Variants in KAT6A observed in about 807,000 individuals in gnomAD.
KAT6A encodes lysine acetyltransferase 6A.
A neutral mutation model predicts 198.4 loss-of-function variants in KAT6A; 9 were observed. The ratio of observed to expected loss-of-function variants is 0.05; its 90% CI spans 0.03 to 0.08. The LOEUF (loss-of-function observed/expected upper bound fraction) is 0.08. Ranked by LOEUF, KAT6A falls within the 10% of genes least tolerant of loss-of-function variation. The probability of loss-of-function intolerance (pLI) is 1.00; values close to 1 mark genes in which losing one functional copy is unlikely to be tolerated. For missense variants in KAT6A, 2,077 were observed against 2,509.9 expected (o/e 0.83, Z 3.69); for synonymous variants, 890 against 883.0 (o/e 1.01, Z -0.14).
intron 12 of KAT6A, among the ~76,000 whole-genome samples, chr8:41,946,290 A>G (rs1255553999): frequency 6.6e-6 from 1 of 151,964 alleles, no homozygotes; most frequent in East Asian, 1.9e-4. Context: ...TTTTGTAGAG[A>G]CAGGGTCTTG....
At chr8:41,945,328 T>C (rs1450719577) in intron 12 of KAT6A, among the ~76,000 whole-genome samples, 3 of 151,060 alleles carry the variant, frequency 2.0e-5, no homozygotes, top group Non-Finnish European at 4.4e-5. Flanking sequence ...TAGAGTGCAG[T>C]GGCGTGATCT....
chr8:41,952,809 A>C (rs1329657638), intron 9 of KAT6A, among the ~76,000 whole-genome samples: 1 of 152,182 alleles, frequency 6.6e-6, no homozygotes, highest in Non-Finnish European at 1.5e-5. Flanking sequence ...TTTCAAGCTC[A>C]TTTAAGTAAA....
chr8:41,929,627 C>G lies in KAT6A; in HGVS notation c.*2578G>C, dbSNP rs1482464462. The G allele has an allele frequency of 5.2e-6, 1 of 194,086 alleles. No homozygotes were observed. Among genetic ancestry groups the G allele is most frequent in the Non-Finnish European group, 1.1e-5 (1 of 92,966 alleles). The allele number at this position is 194,086 out of a possible 1,614,324, so 12.0% of individuals were successfully genotyped here. Reference sequence around the variant, plus strand: ...CAGGAGCGCGTGACATGGAGAGATACAAAGGCATCTAGGCACCCCTTCCCC... The same window carrying G: ...CAGGAGCGCGTGACATGGAGAGATAGAAAGGCATCTAGGCACCCCTTCCCC... On this transcript the variant is annotated 3_prime_UTR_variant, in exon 17 of 17. Coordinates refer to ENST00000265713, the MANE Select transcript of KAT6A (RefSeq NM_006766.5).
chr8:42,007,430 G>A (rs1314231216), intron 2 of KAT6A, among the ~76,000 whole-genome samples: 1 of 152,018 alleles, frequency 6.6e-6, no homozygotes, highest in East Asian at 1.9e-4. Context: ...ATAAAACAGG[G>A]TTTCTTACTT....
Position 41,930,318 on chromosome 8 carries a change from T to C in KAT6A, c.*1887A>G. The C allele has an allele frequency of 5.6e-6, 1 of 179,372 alleles. No individual in the cohort carries two copies. The highest frequency in any genetic ancestry group is 7.6e-5 in the Admixed American group (1 of 13,212). 11.1% of individuals were successfully genotyped at this position (179,372 alleles called of 1,614,324 possible). A position where few individuals can be genotyped will look rare whatever the true frequency, so the allele number is the denominator to read the frequency against. Reference sequence around the variant, plus strand: ...AAGATGTAGGGCGATGGCAGCACAGTGCACTTTCTACATAGATGACTGGGA... The same window carrying C: ...AAGATGTAGGGCGATGGCAGCACAGCGCACTTTCTACATAGATGACTGGGA... On this transcript the variant is annotated 3_prime_UTR_variant, in exon 17 of 17. Coordinates refer to ENST00000265713, the MANE Select transcript of KAT6A (RefSeq NM_006766.5).
Position 41,932,492 on chromosome 8 carries a change from T to C in KAT6A, c.5728A>G (p.Asn1910Asp), listed in dbSNP as rs1376380672. 1.9e-6 allele frequency: 3 copies of C among 1,614,132 alleles called. No homozygotes were observed. The highest frequency in any genetic ancestry group is 2.2e-5 in the East Asian group (1 of 44,904). ...GVNLMPTPAY[N>D]VNSMNMNTLN... ...GTGTTCATATTCATGGAATTGACATTATAGGCGGGAGTAGGCATCAGATTA... is the reference window on the plus strand; with the variant it reads ...GTGTTCATATTCATGGAATTGACATCATAGGCGGGAGTAGGCATCAGATTA... Residue 1910 changes from asparagine (N) to aspartate (D), a missense_variant, in exon 17 of 17, where the codon AAT (asparagine) becomes GAT (aspartate). This residue lies in a region of KAT6A where 500 missense variants were observed against 577.2 expected (regional missense o/e 0.87). Coordinates refer to ENST00000265713, the MANE Select transcript of KAT6A (RefSeq NM_006766.5).
At chr8:41,953,810 G>A (rs1392426587) in intron 9 of KAT6A, among the ~76,000 whole-genome samples, 1 of 152,144 alleles carries the variant, frequency 6.6e-6, no homozygotes, top group Non-Finnish European at 1.5e-5. Context: ...CAGAATTCCT[G>A]AGGAATGAGT....
At chr8:41,992,212 A>G (rs1824983331) in intron 2 of KAT6A, among the ~76,000 whole-genome samples, 1 of 152,038 alleles carries the variant, frequency 6.6e-6, no homozygotes, top group South Asian at 2.1e-4. Context: ...AAAAAAAGAA[A>G]AAAAAAGGTA....
intron 2 of KAT6A, among the ~76,000 whole-genome samples, chr8:42,047,383 T>C (rs947711059): frequency 6.6e-6 from 1 of 152,148 alleles, no homozygotes; most frequent in Non-Finnish European, 1.5e-5. Context: ...AAAGTACACA[T>C]CTGGGCATCA....
chr8:41,933,447 C>A lies in KAT6A; in HGVS notation c.4773G>T (p.Gly1591=), dbSNP rs1300168915. The A allele has an allele frequency of 1.2e-6, 2 of 1,612,548 alleles. No homozygotes were observed. The highest frequency in any genetic ancestry group is 3.3e-5 in the Admixed American group (2 of 59,958). ...GGGTGAGGCTGCTGGAGGACGACAG[C>A]CCACCGTAGGAGCAGCTGCTCTGGG... The part of the protein sequence containing the change: ...SSSQSSCSYG[G]LSSSSSLTQS... Residue 1591 remains glycine (G), a synonymous_variant, in exon 17 of 17, where the codon GGG becomes GGT. Transcript: ENST00000265713. This position sits in a 1 kb window ranked among gnomAD's most constrained non-coding sequence, Gnocchi z 6.2.
At chr8:42,018,287 G>A (rs1477978477) in intron 2 of KAT6A, among the ~76,000 whole-genome samples, 1 of 152,136 alleles carries the variant, frequency 6.6e-6, no homozygotes, top group Non-Finnish European at 1.5e-5. Flanking sequence ...TGTAATCCTT[G>A]CACTTTGGGA....
intron 2 of KAT6A, among the ~76,000 whole-genome samples, chr8:41,989,412 A>G (rs1353347989): frequency 6.6e-6 from 1 of 152,026 alleles, no homozygotes; most frequent in Non-Finnish European, 1.5e-5. Context: ...GGGAGACTGA[A>G]GCAGAAGAAT....
Position 41,930,020 on chromosome 8 carries a change from G to A in KAT6A, c.*2185C>T, listed in dbSNP as rs532044726. On this transcript the variant is annotated 3_prime_UTR_variant, in exon 17 of 17. Coordinates refer to ENST00000265713, the MANE Select transcript of KAT6A (RefSeq NM_006766.5). The stretch of plus-strand genomic sequence containing the variant: ...AAAAATGACAGGTACCAATATTACT[G>A]TGTTGGATAATTTCTTTTATAATAT... The A allele has an allele frequency of 3.6e-5, 8 of 223,822 alleles. No individual in the cohort carries two copies. In the South Asian group the frequency reaches 1.3e-3, roughly 36 times the overall value. The allele number at this position is 223,822 out of a possible 1,614,324, so 13.9% of individuals were successfully genotyped here.
intron 2 of KAT6A, among the ~76,000 whole-genome samples, chr8:42,015,464 C>T (rs1826227274): frequency 6.6e-6 from 1 of 152,206 alleles, no homozygotes; most frequent in Admixed American, 6.5e-5. Context: ...ACAGCATTTG[C>T]CTGTGGGCAA....
At chr8:41,970,873 C>T (rs1823756617) in intron 8 of KAT6A, among the ~76,000 whole-genome samples, 1 of 152,110 alleles carries the variant, frequency 6.6e-6, no homozygotes, top group African/African-American at 2.4e-5. Context: ...ACATATACAC[C>T]AGGGAATACT....
intron 11 of KAT6A, 147 bp from the exon 12 acceptor site, chr8:41,946,831 G>A: frequency 3.3e-6 from 2 of 609,226 alleles, no homozygotes; most frequent in South Asian, 1.9e-5. Flanking sequence ...CTACCCAGCT[G>A]GGAGAAGATA....
At chr8:41,978,497 G>C in intron 6 of KAT6A, 145 bp downstream of exon 6, 1 of 776,634 alleles carries the variant, frequency 1.3e-6, no homozygotes. Context: ...ACTTATTAAG[G>C]GCTGAATAAG....
At chr8:41,973,809 T>C (rs533057374) in intron 8 of KAT6A, among the ~76,000 whole-genome samples, 1 of 152,198 alleles carries the variant, frequency 6.6e-6, no homozygotes, top group African/African-American at 2.4e-5. Context: ...CATATCCCTT[T>C]AAGGGATATG....
At chr8:42,017,855 C>G (rs920650475) in intron 2 of KAT6A, among the ~76,000 whole-genome samples, 4 of 152,182 alleles carry the variant, frequency 2.6e-5, no homozygotes, top group African/African-American at 9.7e-5. Flanking sequence ...ATAATAAGCT[C>G]CACGAGGGCA....
Sources: allele counts gnomAD v4.1 joint callset (sites outside exome capture counted in the v4.1 genomes callset), GRCh38; gene constraint gnomAD v4.1.1; regional missense constraint gnomAD v4.1.1; non-coding constraint Gnocchi (gnomAD v3.1); transcripts MANE v1.5; gene names NCBI Gene and HGNC (gene_info 2026-07-23, HGNC 2026-07-21).